RAB37: variants seen among roughly 807,000 people sequenced by gnomAD.
RAB37 encodes ras-related protein Rab-37.
A neutral mutation model predicts 33.1 loss-of-function variants in RAB37; 29 were observed. That is an observed-to-expected ratio of 0.88 (90% confidence interval 0.65 to 1.20). The LOEUF (loss-of-function observed/expected upper bound fraction) is 1.20. Among genes scored for constraint, RAB37 ranks in the 50% most tolerant of loss-of-function variants. The pLI is 0.00. For synonymous variants in RAB37, 128 were observed against 119.5 expected (o/e 1.07, Z -0.47); for missense variants, 299 against 301.1 (o/e 0.99, Z 0.05).
chr17:74,709,879 ATTATTC>A (rs1427940141), intron 1 of RAB37, among the ~76,000 whole-genome samples: 1 of 151,010 alleles, frequency 6.6e-6, no homozygotes, highest in Non-Finnish European at 1.5e-5. Context: ...CACCAGCCAA[ATTATTC>A]TTAACAGTGA....
At chr17:74,720,323 G>A (rs777898677) in intron 1 of RAB37, among the ~76,000 whole-genome samples, 11 of 152,152 alleles carry the variant, frequency 7.2e-5, no homozygotes, top group Non-Finnish European at 1.6e-4. Flanking sequence ...GGTGGCTCAC[G>A]ACTGTAATGC....
At chr17:74,739,086 C>T (rs1249923074) in intron 1 of RAB37, among the ~76,000 whole-genome samples, 1 of 152,200 alleles carries the variant, frequency 6.6e-6, no homozygotes, top group African/African-American at 2.4e-5. Flanking sequence ...GCCTCTCCAC[C>T]AGAGTTAACT....
intron 1 of RAB37, among the ~76,000 whole-genome samples, chr17:74,723,575 CTTTTTTTT>C (rs35936012): frequency 7.5e-6 from 1 of 133,184 alleles, no homozygotes; most frequent in East Asian, 2.3e-4. Context: ...AATTAACTAA[CTTTTTTTT>C]TTTTTTTTTT....
chr17:74,738,140 A>T lies in RAB37; in HGVS notation c.93+775A>T, dbSNP rs193220250. Among the ~76,000 whole-genome samples, 91 of 152,256 alleles carry T rather than the reference A, an allele frequency of 6.0e-4. No individual in the cohort carries two copies. Among genetic ancestry groups the T allele is most frequent in the Non-Finnish European group, 1.0e-3 (70 of 68,008 alleles). On this transcript the variant is annotated intron_variant, in intron 1 of 8. Transcript: ENST00000392613. This position sits in a 1 kb window ranked among gnomAD's most constrained non-coding sequence, Gnocchi z 5.0. Reference sequence around the variant, plus strand: ...GAGTGAGCGGGTACCAGAAACTGAAAGAACTGCTGAGGGAGCCTAGAGCTT... The same window carrying T: ...GAGTGAGCGGGTACCAGAAACTGAATGAACTGCTGAGGGAGCCTAGAGCTT...
intron 1 of RAB37, among the ~76,000 whole-genome samples, chr17:74,707,816 G>T (rs994888517): frequency 1.6e-4 from 25 of 151,654 alleles, no homozygotes; most frequent in Admixed American, 1.4e-3. Flanking sequence ...AATAATAAAA[G>T]GATATTTAAA....
rs2034524888 is a variant in RAB37 at position 74,738,171 on chromosome 17, C to T, written c.93+806C>T. ...GCTGAGGGAGCCTAGAGCTTCCACT[C>T]TTCCTCTGCAGGGTTGGGGATGGAG... On this transcript the variant is annotated intron_variant, in intron 1 of 8. Transcript: ENST00000392613. The surrounding 1 kb of genome is among the most constrained non-coding windows in gnomAD (Gnocchi z 5.0). Among the ~76,000 whole-genome samples, 1 of 152,176 alleles carries T rather than the reference C, an allele frequency of 6.6e-6. No homozygotes were observed. Among genetic ancestry groups the T allele is most frequent in the Non-Finnish European group, 1.5e-5 (1 of 68,038 alleles).
intron 1 of RAB37, among the ~76,000 whole-genome samples, chr17:74,696,505 C>G (rs1009098310): frequency 6.6e-6 from 1 of 152,206 alleles, no homozygotes; most frequent in Non-Finnish European, 1.5e-5. Flanking sequence ...TGCCAGCCAT[C>G]GGCTCCCCTG....
intron 1 of RAB37, among the ~76,000 whole-genome samples, chr17:74,679,220 G>A (rs1426680848): frequency 2.0e-5 from 3 of 151,984 alleles, no homozygotes; most frequent in Non-Finnish European, 2.9e-5. Context: ...ATTAAAAATC[G>A]GAACTGTCAT....
At chr17:74,693,218 A>G (rs1491003955) in intron 1 of RAB37, among the ~76,000 whole-genome samples, 2 of 152,244 alleles carry the variant, frequency 1.3e-5, no homozygotes, top group Non-Finnish European at 2.9e-5. Flanking sequence ...CGGGAAGAGC[A>G]TTCTGGAAAG....
intron 1 of RAB37, among the ~76,000 whole-genome samples, chr17:74,673,138 C>T (rs1264060701): frequency 1.3e-5 from 2 of 152,154 alleles, no homozygotes; most frequent in African/African-American, 4.8e-5. Context: ...GGCATGGTGG[C>T]TCACACCTGT....
chr17:74,684,761 G>A (rs562497737), intron 1 of RAB37, among the ~76,000 whole-genome samples: 23 of 152,230 alleles, frequency 1.5e-4, no homozygotes, highest in Admixed American at 1.2e-3. Flanking sequence ...CTGCACTCGA[G>A]CCTGGGTGAC....
intron 1 of RAB37, among the ~76,000 whole-genome samples, chr17:74,688,691 T>A (rs1464522474): frequency 2.0e-5 from 3 of 151,938 alleles, no homozygotes; most frequent in Non-Finnish European, 4.4e-5. Context: ...GGAAAGACAC[T>A]ATAAAAGCCT....
At position 74,737,319 on chromosome 17, in the gene RAB37, C is replaced by T; in HGVS notation, c.47C>T (p.Pro16Leu). The T allele has an allele frequency of 6.3e-7, 1 of 1,577,322 alleles. No homozygotes were observed. Among genetic ancestry groups the T allele is most frequent in the Non-Finnish European group, 8.6e-7 (1 of 1,168,962 alleles). Reference protein sequence around the residue: ...GAVATRDGEAPERSPPCSPSY... With the variant: ...GAVATRDGEALERSPPCSPSY... ...GTTGCCACCCGGGATGGCGAGGCCC[C>T]CGAGCGCTCCCCGCCCTGCAGTCCG... The change falls in exon 1 of 9, where the codon CCC becomes CTC. Residue 16 changes from proline (P) to leucine (L), a missense_variant. Coordinates refer to ENST00000392613, the MANE Select transcript of RAB37 (RefSeq NM_001006638.3).
At chr17:74,710,806 G>T (rs1259993222) in intron 1 of RAB37, among the ~76,000 whole-genome samples, 1 of 152,140 alleles carries the variant, frequency 6.6e-6, no homozygotes, top group Admixed American at 6.5e-5. Flanking sequence ...GGCAGAGGTT[G>T]CAGTGAGCCA....
At chr17:74,708,083 A>G (rs555700698) in intron 1 of RAB37, among the ~76,000 whole-genome samples, 21 of 150,946 alleles carry the variant, frequency 1.4e-4, no homozygotes, top group Admixed American at 1.4e-3. Flanking sequence ...AGGAGGTGGA[A>G]GTTTCAGTGA....
chr17:74,736,471 T>A (rs1401726745), upstream of RAB37: 2 of 1,349,712 alleles, frequency 1.5e-6, no homozygotes, highest in African/African-American at 3.0e-5. Context: ...CTGCTCAAAA[T>A]GATCTACGAC....
At chr17:74,732,778 G>C (rs1176031195), upstream of RAB37, among the ~76,000 whole-genome samples, 7 of 24,964 alleles carry the variant, frequency 2.8e-4, no homozygotes, top group Non-Finnish European at 7.2e-4. Flanking sequence ...TGAGGGGTGA[G>C]GTGTGTGTGG....
rs778889359 is a variant in RAB37, at chr17:74,737,368, G to A, written c.93+3G>A. 6.4e-7 allele frequency: 1 copy of A among 1,563,006 alleles called. No homozygotes were observed. Among genetic ancestry groups the A allele is most frequent in the Non-Finnish European group, 8.6e-7 (1 of 1,161,024 alleles). On this transcript the variant is annotated splice_donor_region_variant and intron_variant, in intron 1 of 8. Transcript: ENST00000392613. The stretch of plus-strand genomic sequence containing the variant: ...CGAGCTACGACCTCACGGGCAAGGT[G>A]GGTGGGCCTCTTCCGTGAGACCCCC...
At chr17:74,682,822 T>C (rs886188114) in intron 1 of RAB37, among the ~76,000 whole-genome samples, 1 of 152,154 alleles carries the variant, frequency 6.6e-6, no homozygotes, top group Non-Finnish European at 1.5e-5. Flanking sequence ...GAGAATCACT[T>C]GAACCCGGGA....
Sources: allele counts gnomAD v4.1 joint callset (sites outside exome capture counted in the v4.1 genomes callset), GRCh38; gene constraint gnomAD v4.1.1; non-coding constraint Gnocchi (gnomAD v3.1); transcripts MANE v1.5; gene names NCBI Gene and HGNC (gene_info 2026-07-23, HGNC 2026-07-21).